The following KAZN variants were observed in gnomAD, a reference collection of about 807,000 sequenced individuals.
KAZN encodes kazrin.
In KAZN, 40 loss-of-function variants were observed where a neutral mutation model predicts 87.4. The ratio of observed to expected loss-of-function variants is 0.46; its 90% CI spans 0.36 to 0.60. The LOEUF (loss-of-function observed/expected upper bound fraction) is 0.60. Among genes scored for constraint, KAZN ranks in the 20% least tolerant of loss-of-function variants. KAZN has a pLI of 0.00. For synonymous variants in KAZN, 466 were observed against 458.3 expected, an observed-to-expected ratio of 1.02 and a Z score of -0.22; for missense variants, 898 against 1,073.9, an observed-to-expected ratio of 0.84 and a Z score of 2.29.
intron 1 of KAZN, among the ~76,000 whole-genome samples, chr1:14,073,439 T>C (rs1391167561): frequency 6.6e-6 from 1 of 152,200 alleles, no homozygotes; most frequent in African/African-American, 2.4e-5. Context: ...CTGGGATACA[T>C]GTGCAGAATG....
chr1:14,838,512 C>G (rs1647550386), intron 1 of KAZN, among the ~76,000 whole-genome samples: 1 of 152,178 alleles, frequency 6.6e-6, no homozygotes, highest in South Asian at 2.1e-4. Context: ...CTAACTTTAT[C>G]TCCTTCTGTT....
chr1:14,560,268 C>T (rs534092635), intron 2 of KAZN, among the ~76,000 whole-genome samples: 3 of 152,244 alleles, frequency 2.0e-5, no homozygotes, highest in South Asian at 2.1e-4. Flanking sequence ...ATTGTAAGGG[C>T]GGCATGAGGA....
At chr1:14,836,988 AG>A (rs1647325213) in intron 1 of KAZN, among the ~76,000 whole-genome samples, 1 of 152,054 alleles carries the variant, frequency 6.6e-6, no homozygotes, top group Non-Finnish European at 1.5e-5. Flanking sequence ...TCTTTCTAAA[AG>A]CTGCTTTGAT....
chr1:14,656,242 G>C (rs1638783524), intron 1 of KAZN, among the ~76,000 whole-genome samples: 1 of 152,172 alleles, frequency 6.6e-6, no homozygotes, highest in Admixed American at 6.5e-5. Context: ...TGCCATCAGG[G>C]AGGGAGCTGC....
chr1:14,179,821 A>C (rs1377396807), intron 1 of KAZN, among the ~76,000 whole-genome samples: 3 of 152,222 alleles, frequency 2.0e-5, no homozygotes, highest in Non-Finnish European at 2.9e-5. Flanking sequence ...TTGTAGAGAA[A>C]ATAGAGAAAG....
chr1:14,498,354 G>A (rs1393390897), intron 2 of KAZN, among the ~76,000 whole-genome samples: 2 of 152,188 alleles, frequency 1.3e-5, no homozygotes, highest in Non-Finnish European at 2.9e-5. Flanking sequence ...GAAGCCACAG[G>A]CAGGCAGTGC....
intron 2 of KAZN, among the ~76,000 whole-genome samples, chr1:14,470,640 C>A (rs1668406814): frequency 6.6e-6 from 1 of 152,138 alleles, no homozygotes; most frequent in Admixed American, 6.5e-5. Flanking sequence ...AAGTGAGCAC[C>A]TTTCTCTGTT....
intron 2 of KAZN, among the ~76,000 whole-genome samples, chr1:14,519,503 C>T (rs1303374036): frequency 1.3e-5 from 2 of 152,196 alleles, no homozygotes; most frequent in Non-Finnish European, 2.9e-5. Context: ...AGTTGAGGCT[C>T]TTCCCCTCTC....
intron 1 of KAZN, among the ~76,000 whole-genome samples, chr1:14,910,963 T>C (rs1439544868): frequency 1.3e-5 from 2 of 152,192 alleles, no homozygotes; most frequent in Admixed American, 1.3e-4. Flanking sequence ...TTTTGCAACC[T>C]TTCCTATAGA....
intron 1 of KAZN, among the ~76,000 whole-genome samples, chr1:14,064,728 A>G (rs1192143011): frequency 1.3e-5 from 2 of 152,178 alleles, no homozygotes; most frequent in Admixed American, 1.3e-4. Flanking sequence ...AACATGGACA[A>G]TGCTGGTGCT....
intron 2 of KAZN, among the ~76,000 whole-genome samples, chr1:14,188,887 C>T (rs1286018174): frequency 1.3e-5 from 2 of 152,024 alleles, no homozygotes; most frequent in African/African-American, 4.8e-5. Flanking sequence ...TTGTAGCTCC[C>T]ATCCATTAGT....
chr1:14,522,319 C>T (rs1671631006), intron 2 of KAZN, among the ~76,000 whole-genome samples: 1 of 152,184 alleles, frequency 6.6e-6, no homozygotes, highest in South Asian at 2.1e-4. Flanking sequence ...CCTCTGAGAC[C>T]TACATGTGAT....
intron 1 of KAZN, among the ~76,000 whole-genome samples, chr1:14,147,933 G>A (rs1209063258): frequency 6.6e-6 from 1 of 151,758 alleles, no homozygotes; most frequent in Non-Finnish European, 1.5e-5. Flanking sequence ...CCCTTTAAAC[G>A]TAGGCACCAG....
chr1:14,922,531 G>T (rs1414884780), intron 1 of KAZN, among the ~76,000 whole-genome samples: 3 of 151,990 alleles, frequency 2.0e-5, no homozygotes, highest in East Asian at 3.9e-4. Context: ...CCGTCCTCTG[G>T]CGCAGTTAAA....
intron 1 of KAZN, among the ~76,000 whole-genome samples, chr1:14,007,760 C>A (rs2101172913): frequency 6.6e-6 from 1 of 152,256 alleles, no homozygotes; most frequent in South Asian, 2.1e-4. Context: ...TAGTCATGGA[C>A]AAATAAAACA....
chr1:14,502,050 A>G (rs1192967588), intron 2 of KAZN, among the ~76,000 whole-genome samples: 2 of 152,186 alleles, frequency 1.3e-5, no homozygotes, highest in African/African-American at 2.4e-5. Flanking sequence ...TGATGGTTGC[A>G]CTACTCTCTG....
intron 2 of KAZN, among the ~76,000 whole-genome samples, chr1:14,338,925 G>C (rs1657477924): frequency 6.6e-6 from 1 of 152,220 alleles, no homozygotes; most frequent in African/African-American, 2.4e-5. Context: ...GGAGAGCCAT[G>C]ATGGAAGGGG....
intron 2 of KAZN, among the ~76,000 whole-genome samples, chr1:14,966,797 G>A (rs1047951866): frequency 5.3e-5 from 8 of 151,898 alleles, no homozygotes; most frequent in South Asian, 2.1e-4. Context: ...TCAGCCCTGC[G>A]AGTAGCTGGG....
chr1:14,882,836 T>C (rs996404785), intron 1 of KAZN, among the ~76,000 whole-genome samples: 3 of 152,180 alleles, frequency 2.0e-5, no homozygotes, highest in Non-Finnish European at 2.9e-5. Context: ...TAATAACCCC[T>C]GTAAAGTAGG....
Sources: gnomAD v4.1 joint callset for allele counts (sites outside exome capture counted in the v4.1 genomes callset) on GRCh38, gnomAD v4.1.1 for gene constraint, MANE v1.5 for transcripts, NCBI Gene and HGNC (gene_info 2026-07-23, HGNC 2026-07-21) for gene names.